The following SERPINB13 variants were observed in gnomAD, a reference collection of about 807,000 sequenced individuals.
The protein encoded by SERPINB13 is serpin B13.
SERPINB13 carries 26 observed loss-of-function variants against 31.2 expected under a neutral mutation model. The ratio of observed to expected loss-of-function variants is 0.83; its 90% CI spans 0.61 to 1.15. The LOEUF (loss-of-function observed/expected upper bound fraction) is 1.15, where lower values mean the gene tolerates loss of function less well. SERPINB13 is among the 50% of genes most tolerant of loss of function. SERPINB13 has a pLI of 0.00. For synonymous variants in SERPINB13, 191 were observed against 172.4 expected (o/e 1.11, Z -0.85); for missense variants, 510 against 469.4 (o/e 1.09, Z -0.80).
In SERPINB13 at chr18:63,597,050, T is replaced by A. The variant is rs748509948; in HGVS notation, c.863T>A (p.Phe288Tyr). The A allele has an allele frequency of 1.7e-5, 28 of 1,614,176 alleles. No individual in the cohort carries two copies. The highest frequency in any genetic ancestry group is 2.2e-5 in the Non-Finnish European group (26 of 1,180,020). Residue 288 changes from phenylalanine (F) to tyrosine (Y), a missense_variant, in exon 8 of 8, where the codon TTT becomes TAT. Phe to Tyr is a conservative substitution (Grantham distance 22). Coordinates refer to ENST00000344731, the MANE Select transcript of SERPINB13 (RefSeq NM_012397.4). The part of the protein sequence containing the change: ...ERKVNLHLPR[F>Y]EVEDGYDLEA... ...AAGGTGAATCTGCACTTGCCCCGGT[T>A]TGAGGTGGAGGACGGTTACGATCTA...
rs375865268 is a variant in SERPINB13 at position 63,588,839 on chromosome 18, C to T, written c.165+7C>T. ...CGCTTCCCAGTTGGAGGAGGTTGGG[C>T]GCAGTCAGGGGGCTTCCTTGTTTCC... On this transcript the variant is annotated splice_region_variant and intron_variant, in intron 2 of 7. Coordinates refer to ENST00000344731, the MANE Select transcript of SERPINB13 (RefSeq NM_012397.4). The T allele has an allele frequency of 1.4e-4, 227 of 1,612,520 alleles. No individual in the cohort carries two copies. In the African/African-American group the frequency reaches 2.5e-3, roughly 18 times the overall value.
rs768710212 is a variant in SERPINB13 at position 63,596,943 on chromosome 18, C to CT, written c.772-9dup. The CT allele has an allele frequency of 5.7e-6, 9 of 1,575,694 alleles. No individual in the cohort carries two copies. The highest frequency in any genetic ancestry group is 2.3e-5 in the East Asian group (1 of 44,422). ...TTGATAATCATGCCATTCTACTCTT[C>CT]TTTTTTTGAAAATAGATAATAGATA... On this transcript the variant is annotated splice_polypyrimidine_tract_variant and intron_variant, in intron 7 of 7. Transcript: ENST00000344731.
chr18:63,592,752 G>C, intron 4 of SERPINB13, 102 bp from the exon 5 acceptor site: 1 of 816,680 alleles, frequency 1.2e-6, no homozygotes, highest in Admixed American at 2.4e-5. Flanking sequence ...TTCTCTTACT[G>C]TATTAGTCAT....
intron 6 of SERPINB13, 105 bp from the exon 7 acceptor site, chr18:63,594,924 G>T: frequency 9.4e-7 from 1 of 1,063,658 alleles, no homozygotes. Flanking sequence ...CTGATATTGG[G>T]TTTTATTTTA....
chr18:63,588,912 T>C (rs2144386697), intron 2 of SERPINB13, 80 bp downstream of exon 2: 4 of 1,432,060 alleles, frequency 2.8e-6, no homozygotes, highest in Non-Finnish European at 3.8e-6. Flanking sequence ...TCTTGCATTA[T>C]CTTAAAAATA....
intron 5 of SERPINB13, among the ~76,000 whole-genome samples, chr18:63,593,689 A>G (rs1192670047): frequency 2.2e-5 from 3 of 133,922 alleles, no homozygotes; most frequent in Non-Finnish European, 4.7e-5. Flanking sequence ...ATCAGAGAGA[A>G]CTTTGTTATT....
At chr18:63,589,468 C>CAT (rs142857460) in intron 2 of SERPINB13, among the ~76,000 whole-genome samples, 188 bp from the exon 3 acceptor site, 11 of 147,956 alleles carry the variant, frequency 7.4e-5, no homozygotes, top group Non-Finnish European at 1.2e-4. Flanking sequence ...CACACACACA[C>CAT]ACACACACAC....
chr18:63,589,107 T>C (rs1911691035), intron 2 of SERPINB13, among the ~76,000 whole-genome samples: 1 of 152,208 alleles, frequency 6.6e-6, no homozygotes, highest in South Asian at 2.1e-4. Flanking sequence ...AAAAGTGACA[T>C]AATCCCCACA....
intron 1 of SERPINB13, 65 bp downstream of exon 1, chr18:63,587,515 T>G (rs1911583228): frequency 6.1e-5 from 28 of 456,096 alleles, no homozygotes; most frequent in South Asian, 4.5e-4. Flanking sequence ...GTTTGTTGTT[T>G]GAAAGAATTA....
At position 63,594,288 on chromosome 18, in the gene SERPINB13, T is replaced by C. The variant is rs181614529; in HGVS notation, c.473-67T>C. The C allele has an allele frequency of 7.5e-6, 12 of 1,603,546 alleles. No homozygotes were observed. In the East Asian group the frequency reaches 2.5e-4, roughly 33 times the overall value. Reference sequence around the variant, plus strand: ...TGATCAGTCAAGTCCATCTGCATCATATTTGTCATACATATTATTTGTCAT... The same window carrying C: ...TGATCAGTCAAGTCCATCTGCATCACATTTGTCATACATATTATTTGTCAT... On this transcript the variant is annotated intron_variant, in intron 5 of 7. Transcript: ENST00000344731.
In SERPINB13 at chr18:63,587,390, T is replaced by C. The variant is rs1287619608; in HGVS notation, c.-78T>C. 9 of 470,446 alleles carry C rather than the reference T, an allele frequency of 1.9e-5. No homozygotes were observed. Among genetic ancestry groups the C allele is most frequent in the Non-Finnish European group, 3.5e-5 (8 of 226,868 alleles). The allele number at this position is 470,446 out of a possible 1,614,324, so 29.1% of individuals were successfully genotyped here. Reference sequence around the variant, plus strand: ...ACTATAAATTAAGGATCCCAGCTACTTAATTGACTTATGCTTCCTAGTTCG... The same window carrying C: ...ACTATAAATTAAGGATCCCAGCTACCTAATTGACTTATGCTTCCTAGTTCG... On this transcript the variant is annotated 5_prime_UTR_variant, in exon 1 of 8. Transcript: ENST00000344731.
chr18:63,594,254 G>C, intron 5 of SERPINB13, 101 bp from the exon 6 acceptor site: 1 of 1,571,038 alleles, frequency 6.4e-7, no homozygotes, highest in Non-Finnish European at 8.7e-7. Flanking sequence ...GACCTGGCTG[G>C]GTTTTTAATG....
In SERPINB13 at chr18:63,595,118, T is replaced by C. The variant is rs891171430; in HGVS notation, c.705T>C (p.Ile235=). The C allele has an allele frequency of 1.2e-6, 2 of 1,613,966 alleles. No homozygotes were observed. Among genetic ancestry groups the C allele is most frequent in the Admixed American group, 1.7e-5 (1 of 59,992 alleles). ...LEDLQAKILG[I]PYKNNDLSMF... is the part of the protein sequence containing the mutation. ...ACTTGCAGGCCAAAATTCTAGGGATTCCATATAAAAACAACGACCTAAGCA... is the reference window on the plus strand; with the variant it reads ...ACTTGCAGGCCAAAATTCTAGGGATCCCATATAAAAACAACGACCTAAGCA... The change falls in exon 7 of 8, where the codon ATT becomes ATC. Residue 235 remains isoleucine, a synonymous_variant. Coordinates refer to ENST00000344731, the MANE Select transcript of SERPINB13 (RefSeq NM_012397.4).
intron 2 of SERPINB13, 104 bp downstream of exon 2, chr18:63,588,936 C>G (rs1418261141): frequency 8.2e-7 from 1 of 1,218,016 alleles, no homozygotes; most frequent in Admixed American, 2.7e-5. Context: ...TCTTCTTGAC[C>G]TGTGGACCAG....
At position 63,589,644 on chromosome 18, in the gene SERPINB13, T is replaced by C; in HGVS notation, c.166-12T>C. 6.2e-7 allele frequency: 1 copy of C among 1,613,000 alleles called. No individual in the cohort carries two copies. Among genetic ancestry groups the C allele is most frequent in the Non-Finnish European group, 8.5e-7 (1 of 1,179,478 alleles). ...CTCTGAGCACCACAGTAATATTTTCTATCTCTTCCAGGTGTTTCACTCTGA... is the reference window on the plus strand; with the variant it reads ...CTCTGAGCACCACAGTAATATTTTCCATCTCTTCCAGGTGTTTCACTCTGA... On this transcript the variant is annotated splice_polypyrimidine_tract_variant and intron_variant, in intron 2 of 7. Transcript: ENST00000344731.
intron 6 of SERPINB13, 44 bp downstream of exon 6, chr18:63,594,541 T>G: frequency 6.2e-7 from 1 of 1,602,336 alleles, no homozygotes; most frequent in Non-Finnish European, 8.5e-7. Context: ...ACACATGGAA[T>G]GTAAAGTCTA....
At position 63,597,257 on chromosome 18, in the gene SERPINB13, C is replaced by T. The variant is rs199948434; in HGVS notation, c.1070C>T (p.Ser357Phe). 1 of 1,614,238 alleles carries T rather than the reference C, an allele frequency of 6.2e-7. No individual in the cohort carries two copies. The highest frequency in any genetic ancestry group is 8.5e-7 in the Non-Finnish European group (1 of 1,180,032). The change falls in exon 8 of 8, where the codon TCC becomes TTC. Residue 357 changes from serine (S) to phenylalanine (F), a missense_variant. Transcript: ENST00000344731. ...AATGIGFTVTSAPGHENVHCN... is the reference protein window; with the variant it reads ...AATGIGFTVTFAPGHENVHCN... ...ACCGGCATAGGCTTTACTGTCACAT[C>T]CGCCCCAGGTCATGAAAATGTTCAC...
chr18:63,596,867 TTAA>T, intron 7 of SERPINB13, 89 bp from the exon 8 acceptor site: 1 of 1,056,808 alleles, frequency 9.5e-7, no homozygotes, highest in South Asian at 1.9e-5. Flanking sequence ...ATTACTAAAA[TTAA>T]TAACTTCTGA....
chr18:63,589,472 C>T (rs199884025), intron 2 of SERPINB13, among the ~76,000 whole-genome samples, 184 bp from the exon 3 acceptor site: 28 of 79,212 alleles, frequency 3.5e-4, no homozygotes, highest in Non-Finnish European at 7.6e-4. Context: ...CACACACACA[C>T]ACACACACAC....
Sources: gnomAD v4.1 joint callset for allele counts (sites outside exome capture counted in the v4.1 genomes callset) on GRCh38, gnomAD v4.1.1 for gene constraint, MANE v1.5 for transcripts, NCBI Gene and HGNC (gene_info 2026-07-23, HGNC 2026-07-21) for gene names.